The following ASCC1 variants were observed in gnomAD, a reference collection of about 807,000 sequenced individuals.
ASCC1 encodes activating signal cointegrator 1 complex subunit 1.
ASCC1 carries 35 observed loss-of-function variants against 46.6 expected under a neutral mutation model. The ratio of observed to expected loss-of-function variants is 0.75; its 90% confidence interval spans 0.57 to 0.99. The LOEUF (loss-of-function observed/expected upper bound fraction) is 0.99, where lower values mean the gene tolerates loss of function less well. Among genes scored for constraint, ASCC1 ranks in the 50% least tolerant of loss-of-function variants. The pLI, the probability that ASCC1 is intolerant of heterozygous loss-of-function variation, is 0.00. For missense variants in ASCC1, 376 were observed against 428.7 expected, an observed-to-expected ratio of 0.88 and a Z score of 1.09; for synonymous variants, 143 against 146.6, an observed-to-expected ratio of 0.98 and a Z score of 0.18.
intron 9 of ASCC1, among the ~76,000 whole-genome samples, chr10:72,114,034 C>T (rs58161073): frequency 0.011 from 1,684 of 152,148 alleles, 22 homozygotes; most frequent in African/African-American, 0.038. Context: ...TTATTAATAC[C>T]TTCTGTAATA....
intron 5 of ASCC1, among the ~76,000 whole-genome samples, chr10:72,187,112 G>A (rs1325370483): frequency 6.6e-6 from 1 of 152,022 alleles, no homozygotes; most frequent in Non-Finnish European, 1.5e-5. Context: ...ACAGTACTGG[G>A]CTATACTGAA....
intron 4 of ASCC1, chr10:72,198,470 G>A: frequency 4.5e-6 from 2 of 446,016 alleles, no homozygotes; most frequent in South Asian, 3.2e-5. Context: ...GCACTCTGGG[G>A]CAAAGGCCAA....
chr10:72,211,228 T>A (rs1858054347), intron 2 of ASCC1, among the ~76,000 whole-genome samples: 1 of 152,206 alleles, frequency 6.6e-6, no homozygotes, highest in African/African-American at 2.4e-5. Context: ...TTACAATGTA[T>A]TGTTATAATT....
At chr10:72,166,393 A>G (rs1850338398) in intron 5 of ASCC1, among the ~76,000 whole-genome samples, 1 of 152,136 alleles carries the variant, frequency 6.6e-6, no homozygotes, top group African/African-American at 2.4e-5. Flanking sequence ...GCTTGAGGCC[A>G]GGAGTTCAAG....
At chr10:72,107,748 A>G (rs1256443395) in intron 9 of ASCC1, among the ~76,000 whole-genome samples, 1 of 152,240 alleles carries the variant, frequency 6.6e-6, no homozygotes, top group South Asian at 2.1e-4. Flanking sequence ...TATTGTGAAA[A>G]TAAGTAATTC....
chr10:72,197,277 C>T (rs1855579841), intron 4 of ASCC1, among the ~76,000 whole-genome samples: 1 of 151,846 alleles, frequency 6.6e-6, no homozygotes, highest in African/African-American at 2.4e-5. Flanking sequence ...CGAGACCATC[C>T]TGGCTAACAC....
chr10:72,153,556 G>A (rs1848610765), intron 6 of ASCC1, among the ~76,000 whole-genome samples: 1 of 152,044 alleles, frequency 6.6e-6, no homozygotes, highest in Non-Finnish European at 1.5e-5. Flanking sequence ...CTACCGAGTA[G>A]CTGGGACTAC....
intron 3 of ASCC1, among the ~76,000 whole-genome samples, chr10:72,206,309 C>T (rs923570345): frequency 6.6e-6 from 1 of 151,882 alleles, no homozygotes; most frequent in African/African-American, 2.4e-5. Flanking sequence ...GAGGCTGAGG[C>T]AGGATAATCT....
chr10:72,216,969 C>T, upstream of ASCC1: 1 of 456,018 alleles, frequency 2.2e-6, no homozygotes, highest in Non-Finnish European at 4.4e-6. Flanking sequence ...CCATAATGAT[C>T]CAATACTCAT....
intron 9 of ASCC1, among the ~76,000 whole-genome samples, chr10:72,121,076 G>C (rs1017994629): frequency 2.6e-5 from 4 of 152,106 alleles, no homozygotes; most frequent in Admixed American, 6.5e-5. Context: ...AAGAGACAGA[G>C]AGTGTTAAAT....
chr10:72,216,968 T>C (rs973072721), upstream of ASCC1: 2 of 456,050 alleles, frequency 4.4e-6, no homozygotes, highest in Non-Finnish European at 8.8e-6. Flanking sequence ...TCCATAATGA[T>C]CCAATACTCA....
intron 9 of ASCC1, among the ~76,000 whole-genome samples, chr10:72,127,664 CTT>C (rs3063665): frequency 5.4e-5 from 7 of 129,996 alleles, no homozygotes; most frequent in African/African-American, 1.9e-4. Context: ...CTAAGGGTTT[CTT>C]TTTTTTTTTT....
intron 2 of ASCC1, among the ~76,000 whole-genome samples, chr10:72,211,274 C>T (rs1012717825): frequency 6.6e-6 from 1 of 152,192 alleles, no homozygotes; most frequent in African/African-American, 2.4e-5. Flanking sequence ...TAATCTCTTA[C>T]TGTGCCTGAT....
chr10:72,206,261 G>A (rs778878506), intron 3 of ASCC1, among the ~76,000 whole-genome samples: 7 of 149,358 alleles, frequency 4.7e-5, no homozygotes, highest in East Asian at 2.0e-4. Flanking sequence ...AAAATTAGCC[G>A]GGCATGGTGG....
In ASCC1 at chr10:72,096,937, G is replaced by T; in HGVS notation, c.*397C>A. On this transcript the variant is annotated 3_prime_UTR_variant, in exon 10 of 10. Transcript: ENST00000672957. The stretch of plus-strand genomic sequence containing the variant: ...TGGGAATTACTGTTTAATGGGTACA[G>T]TTTCCATTTTACAAGCTGAGAAGCC... 1 of 454,372 alleles carries T rather than the reference G, an allele frequency of 2.2e-6. No individual in the cohort carries two copies. The highest frequency in any genetic ancestry group is 4.4e-6 in the Non-Finnish European group (1 of 226,980). 28.1% of individuals were successfully genotyped at this position (454,372 alleles called of 1,614,324 possible). A position where few individuals can be genotyped will look rare whatever the true frequency, so the allele number is the denominator to read the frequency against.
chr10:72,128,275 G>A, intron 8 of ASCC1, 108 bp from the exon 9 acceptor site: 1 of 880,470 alleles, frequency 1.1e-6, no homozygotes, highest in South Asian at 1.3e-5. Context: ...TGAACTACCT[G>A]GAAAGTGGCA....
At chr10:72,195,151 T>TG (rs1855199689) in intron 5 of ASCC1, among the ~76,000 whole-genome samples, 1 of 137,780 alleles carries the variant, frequency 7.3e-6, no homozygotes, top group African/African-American at 2.7e-5. Flanking sequence ...TTTTTTTTTT[T>TG]TTTTTTTTTT....
At position 72,202,884 on chromosome 10, in the gene ASCC1, C is replaced by T. The variant is rs555539305; in HGVS notation, c.310+543G>A. Among the ~76,000 whole-genome samples the T allele has an allele frequency of 2.0e-5, 3 of 152,150 alleles. No individual in the cohort carries two copies. The East Asian group carries it at 5.8e-4, about 29-fold the overall frequency. On this transcript the variant is annotated intron_variant, in intron 4 of 9. Coordinates refer to ENST00000672957, the MANE Select transcript of ASCC1 (RefSeq NM_001198800.3). ...ACAGTGAAATCTGGAAGCTTTATTCCATCAATGTATGGTAAAGTATAAAAT... is the reference window on the plus strand; with the variant it reads ...ACAGTGAAATCTGGAAGCTTTATTCTATCAATGTATGGTAAAGTATAAAAT...
At position 72,109,763 on chromosome 10, in the gene ASCC1, A is replaced by G. The variant is rs1417914030; in HGVS notation, c.958-12313T>C. 2.0e-5 allele frequency among the ~76,000 whole-genome samples: 3 copies of G among 152,226 alleles called. No individual in the cohort carries two copies. The South Asian group carries it at 6.2e-4, about 32-fold the overall frequency. ...ATGCCAAGGGATTTCCCCTCTCTGC[A>G]GTCTTTCAATTTTGAAAAATAGTAA... is the stretch of plus-strand genomic sequence containing the variant. On this transcript the variant is annotated intron_variant, in intron 9 of 9. Transcript: ENST00000672957.
Sources: allele counts gnomAD v4.1 joint callset (sites outside exome capture counted in the v4.1 genomes callset), GRCh38; gene constraint gnomAD v4.1.1; transcripts MANE v1.5; gene names NCBI Gene and HGNC (gene_info 2026-07-23, HGNC 2026-07-21).